Variants in ALG11 observed in about 807,000 individuals in gnomAD.
ALG11 encodes ALG11 alpha-1,2-mannosyltransferase, also known as GDP-Man:Man(3)GlcNAc(2)-PP-Dol alpha-1,2-mannosyltransferase.
ALG11 carries 26 observed loss-of-function variants against 38.8 expected under a neutral mutation model. The observed-to-expected ratio is 0.67, with a 90% CI of 0.49 to 0.93. The LOEUF (loss-of-function observed/expected upper bound fraction) is 0.93. Ranked by LOEUF, ALG11 falls within the 40% of genes least tolerant of loss-of-function variation. The pLI is 0.00. For synonymous variants in ALG11, 199 were observed against 211.6 expected (o/e 0.94, Z 0.52); for missense variants, 535 against 578.8 (o/e 0.92, Z 0.78).
intron 1 of ALG11, 44 bp downstream of exon 1, chr13:52,012,506 T>TA (rs1392857269): frequency 6.2e-7 from 1 of 1,613,550 alleles, no homozygotes; most frequent in Non-Finnish European, 8.5e-7. Flanking sequence ...TTCTCTTCTG[T>TA]AGGGGTACTT....
In ALG11 at chr13:52,030,782, GATA is replaced by G. The variant is rs751756614; in HGVS notation, c.*2194_*2196del. Reference sequence around the variant, plus strand: ...AGCCCCTGAGGGTCCTCCAAGAAAAGATAAGAATTTGCCAAATGTGATTATCAG... The same window carrying G: ...AGCCCCTGAGGGTCCTCCAAGAAAAGAGAATTTGCCAAATGTGATTATCAG... On this transcript the variant is annotated 3_prime_UTR_variant, in exon 4 of 4. Coordinates refer to ENST00000521508, the MANE Select transcript of ALG11 (RefSeq NM_001004127.3). 6.2e-6 allele frequency: 10 copies of G among 1,614,180 alleles called. No homozygotes were observed. Among genetic ancestry groups the G allele is most frequent in the Non-Finnish European group, 8.5e-6 (10 of 1,180,032 alleles).
chr13:52,023,728 T>A, intron 2 of ALG11: 1 of 189,748 alleles, frequency 5.3e-6, no homozygotes, highest in Non-Finnish European at 1.1e-5. Context: ...GTTTCACACT[T>A]GTTGCCCAGG....
rs147971217 is a variant in ALG11, at chr13:52,024,112, G to T, written c.382G>T (p.Val128Leu). The T allele has an allele frequency of 2.5e-6, 4 of 1,613,930 alleles. No homozygotes were observed. The highest frequency in any genetic ancestry group is 1.3e-5 in the African/African-American group (1 of 74,902). ...RRFNIRLIHP[V>L]QFVFLRKRYL... ...ATTTAACATCAGATTAATTCACCCAGTGCAGTTTGTTTTTTTAAGGAAACG... is the reference window on the plus strand; with the variant it reads ...ATTTAACATCAGATTAATTCACCCATTGCAGTTTGTTTTTTTAAGGAAACG... Residue 128 changes from valine to leucine, a missense_variant, in exon 3 of 4, where the codon GTG becomes TTG. Coordinates refer to ENST00000521508, the MANE Select transcript of ALG11 (RefSeq NM_001004127.3).
rs1294211338 is a variant in ALG11 at position 52,032,916 on chromosome 13, G to A, written c.*4326G>A. On this transcript the variant is annotated 3_prime_UTR_variant, in exon 4 of 4. Coordinates refer to ENST00000521508, the MANE Select transcript of ALG11 (RefSeq NM_001004127.3). ...CCTGGATATTCTGACTCCTGGCCCAGTGCTTTTTCTTACTTTGTAGCTACA... is the reference window on the plus strand; with the variant it reads ...CCTGGATATTCTGACTCCTGGCCCAATGCTTTTTCTTACTTTGTAGCTACA... The A allele has an allele frequency of 1.2e-5, 2 of 167,054 alleles. No homozygotes were observed. Among genetic ancestry groups the A allele is most frequent in the Admixed American group, 1.3e-4 (2 of 15,286 alleles). The allele number at this position is 167,054 out of a possible 1,614,324, so 10.3% of individuals were successfully genotyped here. A position where few individuals can be genotyped will look rare whatever the true frequency, so the allele number is the denominator to read the frequency against.
chr13:52,023,959 T>A lies in ALG11; in HGVS notation c.276-47T>A, dbSNP rs116901370. 3.6e-4 allele frequency: 576 copies of A among 1,589,730 alleles called. 1 individual carries two copies. Among genetic ancestry groups the A allele is most frequent in the Non-Finnish European group, 3.9e-4 (455 of 1,159,332 alleles). On this transcript the variant is annotated intron_variant, in intron 2 of 3. Coordinates refer to ENST00000521508, the MANE Select transcript of ALG11 (RefSeq NM_001004127.3). Reference sequence around the variant, plus strand: ...ACAGGTGCGTGCCACCGTGTCTGGCTAATTTTTGTAACTTAATATATTCTT... The same window carrying A: ...ACAGGTGCGTGCCACCGTGTCTGGCAAATTTTTGTAACTTAATATATTCTT...
intron 2 of ALG11, 57 bp downstream of exon 2, chr13:52,019,200 T>C (rs1954162760): frequency 4.6e-6 from 6 of 1,302,842 alleles, no homozygotes; most frequent in Non-Finnish European, 6.5e-6. Flanking sequence ...TTAAAAATTA[T>C]TATCCAGAAA....
rs142957523 is a variant in ALG11 at position 52,030,541 on chromosome 13, A to G, written c.*1951A>G. 1.0e-4 allele frequency: 162 copies of G among 1,614,068 alleles called. 1 individual carries two copies. Among genetic ancestry groups the G allele is most frequent in the Non-Finnish European group, 1.3e-4 (159 of 1,180,044 alleles). ...GGTCTTTGGCAGTTCCCACAATAAT[A>G]GAGGAGCTGGAAGATGAAGAGGAGA... is the stretch of plus-strand genomic sequence containing the variant. On this transcript the variant is annotated 3_prime_UTR_variant, in exon 4 of 4. Transcript: ENST00000521508.
Position 52,029,320 on chromosome 13 carries a change from T to TGC in ALG11, c.*733_*734dup. The TGC allele has an allele frequency of 1.2e-6, 2 of 1,614,148 alleles. No homozygotes were observed. The highest frequency in any genetic ancestry group is 1.7e-6 in the Non-Finnish European group (2 of 1,180,024). ...AGCCAGCCATTGCTCCCATTGAACATGCGCTCAGTGGCTGGAAGGCAAGAA... is the reference window on the plus strand; with the variant it reads ...AGCCAGCCATTGCTCCCATTGAACATGCGCGCTCAGTGGCTGGAAGGCAAGAA... On this transcript the variant is annotated 3_prime_UTR_variant, in exon 4 of 4. Transcript: ENST00000521508.
At chr13:52,014,631 C>T (rs1954119545) in intron 1 of ALG11, among the ~76,000 whole-genome samples, 1 of 151,770 alleles carries the variant, frequency 6.6e-6, no homozygotes, top group Non-Finnish European at 1.5e-5. Flanking sequence ...AACTCCTGGG[C>T]TCAAGCAATC....
chr13:52,029,021 TTCAGTG>T lies in ALG11; in HGVS notation c.*437_*442del. ...TGAGGCTAGTCTGAAAGTGTCAGAG[TTCAGTG>T]TCAGTTCTGAAGGATCAGGAGAAAA... On this transcript the variant is annotated 3_prime_UTR_variant, in exon 4 of 4. Coordinates refer to ENST00000521508, the MANE Select transcript of ALG11 (RefSeq NM_001004127.3). The T allele has an allele frequency of 6.2e-7, 1 of 1,614,212 alleles. No homozygotes were observed.
rs1382426985 is a variant in ALG11, at chr13:52,019,127, A to G, written c.259A>G (p.Arg87Gly). The change falls in exon 2 of 4, where the codon AGA becomes GGA. Residue 87 changes from arginine (R) to glycine (G), a missense_variant. Transcript: ENST00000521508. ...AGAAAGAGTTTTATGGTGTGCTTTA[A>G]GAGCCCTGCAGAAAAAGTAGGTATC... ...GGERVLWCAL[R>G]ALQKKYPEAV... 1.5e-5 allele frequency: 25 copies of G among 1,613,732 alleles called. No homozygotes were observed. The highest frequency in any genetic ancestry group is 2.2e-5 in the East Asian group (1 of 44,878).
chr13:52,020,533 G>A (rs542364263), intron 2 of ALG11: 10 of 152,276 alleles, frequency 6.6e-5, no homozygotes, highest in African/African-American at 2.4e-4. Flanking sequence ...CCAACTCCGT[G>A]ATGCTTTTCC....
Position 52,019,023 on chromosome 13 carries a change from TAG to T in ALG11, c.156_157del (p.Leu52PhefsTer4). 1 of 1,614,002 alleles carries T rather than the reference TAG, an allele frequency of 6.2e-7. No individual in the cohort carries two copies. Among genetic ancestry groups the T allele is most frequent in the Non-Finnish European group, 8.5e-7 (1 of 1,179,974 alleles). On this transcript the variant is annotated frameshift_variant, in exon 2 of 4. Transcript: ENST00000521508. LOFTEE classifies it high-confidence loss of function. Reference sequence around the variant, plus strand: ...CTGCTGCTACAGAGAAAGAAAAAATTAGTGTCAACTAGCAAAAATGGGAAAAA... The same window carrying T: ...CTGCTGCTACAGAGAAAGAAAAAATTTGTCAACTAGCAAAAATGGGAAAAA...
chr13:52,021,813 T>G (rs945082889), intron 2 of ALG11: 4 of 152,262 alleles, frequency 2.6e-5, no homozygotes, highest in African/African-American at 9.7e-5. Context: ...CTGAGGAGCT[T>G]CTTCATGTGA....
intron 1 of ALG11, 32 bp from the exon 2 acceptor site, chr13:52,018,881 C>G: frequency 6.4e-7 from 1 of 1,570,390 alleles, no homozygotes; most frequent in South Asian, 1.1e-5. Flanking sequence ...GTATATATCA[C>G]ATTGATTCTC....
At chr13:52,016,590 G>C (rs1566698911) in intron 1 of ALG11, 2 of 152,340 alleles carry the variant, frequency 1.3e-5, no homozygotes, top group African/African-American at 2.4e-5. Context: ...CCAATGCAGA[G>C]CTAGTGCTGT....
At chr13:52,027,678 G>C (rs1325217901) in intron 3 of ALG11, among the ~76,000 whole-genome samples, 1 of 152,188 alleles carries the variant, frequency 6.6e-6, no homozygotes, top group African/African-American at 2.4e-5. Context: ...ATTTAGTTCA[G>C]CACTGTTGTT....
rs777062380 is a variant in ALG11 at position 52,012,448 on chromosome 13, G to A, written c.30G>A (p.Leu10=). Reference sequence around the variant, plus strand: ...CGGCCGGCGAAAGGAGCTGGTGCCTGTGCAAGTTGTTGAGGTGAGCAGCCG... The same window carrying A: ...CGGCCGGCGAAAGGAGCTGGTGCCTATGCAAGTTGTTGAGGTGAGCAGCCG... MAAGERSWC[L]CKLLRFFYSL... Residue 10 remains leucine, a synonymous_variant, in exon 1 of 4, where the codon CTG becomes CTA. Transcript: ENST00000521508. 6.8e-6 allele frequency: 11 copies of A among 1,614,062 alleles called. No individual in the cohort carries two copies. Among genetic ancestry groups the A allele is most frequent in the South Asian group, 1.1e-5 (1 of 91,090 alleles).
rs1313483335 is a variant in ALG11 at position 52,024,468 on chromosome 13, T to A, written c.738T>A (p.Leu246=). The A allele has an allele frequency of 6.2e-7, 1 of 1,614,152 alleles. No homozygotes were observed. The highest frequency in any genetic ancestry group is 1.7e-5 in the Admixed American group (1 of 60,018). Residue 246 remains leucine, a synonymous_variant, in exon 3 of 4, where the codon CTT becomes CTA. Transcript: ENST00000521508. ...ATTTATTTGCTTTTATTTATGGACT[T>A]GTTGGTTCTTGCAGTGATGTAGTCA... is the stretch of plus-strand genomic sequence containing the variant. ...YYYLFAFIYG[L]VGSCSDVVMV...
Sources: allele counts gnomAD v4.1 joint callset (sites outside exome capture counted in the v4.1 genomes callset), GRCh38; gene constraint gnomAD v4.1.1; transcripts MANE v1.5; gene names NCBI Gene and HGNC (gene_info 2026-07-23, HGNC 2026-07-21).